SP3: variants seen among roughly 807,000 people sequenced by gnomAD.
SP3 encodes Sp3 transcription factor.
Under a neutral mutation model 70.3 loss-of-function variants are expected in SP3, and 10 were observed. That is an observed-to-expected ratio of 0.14 (90% CI 0.09 to 0.24). SP3 has a LOEUF of 0.24. Ranked by LOEUF, SP3 falls within the 10% of genes least tolerant of loss-of-function variation. The pLI is 1.00. For missense variants in SP3, 825 were observed against 914.6 expected (o/e 0.90, Z 1.26); for synonymous variants, 402 against 333.5 (o/e 1.21, Z -2.24).
At chr2:173,961,633 T>G (rs1226261743) in intron 3 of SP3, among the ~76,000 whole-genome samples, 2 of 152,224 alleles carry the variant, frequency 1.3e-5, no homozygotes, top group Non-Finnish European at 1.5e-5. Context: ...GTTCTGTATT[T>G]CCAACTTTTC....
At chr2:173,957,466 G>A (rs1002171894) in intron 3 of SP3, among the ~76,000 whole-genome samples, 6 of 152,060 alleles carry the variant, frequency 3.9e-5, no homozygotes, top group Non-Finnish European at 8.8e-5. Context: ...AGTTAAAAAA[G>A]AGGCACTAAT....
At chr2:173,944,035 T>A (rs1169624060) in intron 4 of SP3, among the ~76,000 whole-genome samples, 3 of 152,174 alleles carry the variant, frequency 2.0e-5, no homozygotes, top group Non-Finnish European at 4.4e-5. Context: ...ATCGTAAAAG[T>A]CTTACATCTT....
At chr2:173,965,653 C>T (rs769939236), upstream of SP3, 13 of 180,152 alleles carry the variant, frequency 7.2e-5, no homozygotes, top group Non-Finnish European at 1.3e-4. Flanking sequence ...GCGCTCGGAG[C>T]AGGCCTAGCC....
At chr2:173,958,803 G>C (rs746883965) in intron 3 of SP3, among the ~76,000 whole-genome samples, 2 of 151,396 alleles carry the variant, frequency 1.3e-5, no homozygotes, top group African/African-American at 4.9e-5. Context: ...TCAGAACTGA[G>C]TTCTAGTTCT....
At chr2:173,931,492 C>T (rs893940847) in intron 4 of SP3, among the ~76,000 whole-genome samples, 15 of 152,028 alleles carry the variant, frequency 9.9e-5, no homozygotes, top group Admixed American at 5.9e-4. Flanking sequence ...TACAGGTGTG[C>T]GCCATCATGC....
At chr2:173,935,968 TCTTC>T (rs1337711065) in intron 4 of SP3, among the ~76,000 whole-genome samples, 1 of 150,808 alleles carries the variant, frequency 6.6e-6, no homozygotes, top group Non-Finnish European at 1.5e-5. Flanking sequence ...TGTCTGGCAT[TCTTC>T]CTTCCTTCCT....
intron 3 of SP3, among the ~76,000 whole-genome samples, chr2:173,958,908 G>GA (rs1429423896): frequency 4.6e-5 from 7 of 151,934 alleles, no homozygotes; most frequent in African/African-American, 1.7e-4. Context: ...AGAATCAGAA[G>GA]AAAAATATTA....
At chr2:173,924,509 A>T (rs1273982586) in intron 4 of SP3, among the ~76,000 whole-genome samples, 1 of 152,176 alleles carries the variant, frequency 6.6e-6, no homozygotes, top group Non-Finnish European at 1.5e-5. Flanking sequence ...AACACATAAG[A>T]TAAGGATTTA....
intron 3 of SP3, among the ~76,000 whole-genome samples, chr2:173,958,485 T>A (rs1690963316): frequency 6.7e-6 from 1 of 149,960 alleles, no homozygotes. Context: ...TGAAGGAAAA[T>A]CTCTAAACCT....
At chr2:173,929,545 GAAGAA>G (rs1392444126) in intron 4 of SP3, among the ~76,000 whole-genome samples, 1 of 152,168 alleles carries the variant, frequency 6.6e-6, no homozygotes, top group Non-Finnish European at 1.5e-5. Context: ...CAGTTCAAAA[GAAGAA>G]AAGAAGACAA....
In SP3 at chr2:173,933,638, TTATATATATATATATA is replaced by T. The variant is rs60102426; in HGVS notation, c.1640-14869_1640-14854del. Among the ~76,000 whole-genome samples the T allele has an allele frequency of 3.8e-3, 328 of 86,560 alleles. 9 individuals carry two copies. The highest frequency in any genetic ancestry group is 0.016 in the Middle Eastern group (2 of 126). The allele number at this position is 86,560 out of a possible 152,430, so 56.8% of individuals were successfully genotyped here. A position where few individuals can be genotyped will look rare whatever the true frequency, so the allele number is the denominator to read the frequency against. On this transcript the variant is annotated intron_variant, in intron 4 of 6. Transcript: ENST00000310015. ...ACAAATGACTAACATTTATAAAACT[TTATATATATATATATA>T]TATATATATATATATATAAAAGTTA...
intron 3 of SP3, among the ~76,000 whole-genome samples, chr2:173,958,778 GAAAAA>G (rs1283779649): frequency 7.2e-6 from 1 of 139,664 alleles, no homozygotes; most frequent in African/African-American, 2.6e-5. Context: ...TATTACACAA[GAAAAA>G]AAAAAAAGCT....
chr2:173,929,023 C>T (rs1689996742), intron 4 of SP3, among the ~76,000 whole-genome samples: 1 of 152,260 alleles, frequency 6.6e-6, no homozygotes, highest in Non-Finnish European at 1.5e-5. Flanking sequence ...TTCAAATGTC[C>T]AATTCAGGTT....
chr2:173,953,533 C>T (rs2105496457), intron 4 of SP3, among the ~76,000 whole-genome samples: 1 of 152,250 alleles, frequency 6.6e-6, no homozygotes, highest in East Asian at 1.9e-4. Flanking sequence ...CACTTGAGGT[C>T]AGGAGTTTGT....
rs546757353 is a variant in SP3, at chr2:173,952,101, A to ATTTTT, written c.1639+2767_1639+2771dup. On this transcript the variant is annotated intron_variant, in intron 4 of 6. Transcript: ENST00000310015. ...TTCCTTCACATGACAGGCTCACTTC[A>ATTTTT]TTTTTTTTTTTTTTTTGAGGAAATA... 9.6e-4 allele frequency among the ~76,000 whole-genome samples: 135 copies of ATTTTT among 140,894 alleles called. 1 individual carries two copies. The highest frequency in any genetic ancestry group is 7.6e-3 in the Middle Eastern group (2 of 264). The allele number at this position is 140,894 out of a possible 152,430, so 92.4% of individuals were successfully genotyped here. A position where few individuals can be genotyped will look rare whatever the true frequency, so the allele number is the denominator to read the frequency against.
rs1216330652 is a variant in SP3, at chr2:173,951,272, C to T, written c.1639+3601G>A. Among the ~76,000 whole-genome samples the T allele has an allele frequency of 4.6e-5, 7 of 152,194 alleles. No individual in the cohort carries two copies. In the East Asian group the frequency reaches 1.3e-3, roughly 29 times the overall value. ...ATGTCTTCAGTAGTCTGTCACTTAA[C>T]TCAAACCTTTTAGTCTCAGAACTCC... is the stretch of plus-strand genomic sequence containing the variant. On this transcript the variant is annotated intron_variant, in intron 4 of 6. Transcript: ENST00000310015.
At chr2:173,948,936 T>A (rs1246926179) in intron 4 of SP3, among the ~76,000 whole-genome samples, 1 of 152,140 alleles carries the variant, frequency 6.6e-6, no homozygotes, top group East Asian at 1.9e-4. Flanking sequence ...CCAAGCTAAG[T>A]GGTATGATAC....
intron 4 of SP3, among the ~76,000 whole-genome samples, chr2:173,927,253 T>C (rs1351307651): frequency 6.6e-6 from 1 of 151,634 alleles, no homozygotes; most frequent in African/African-American, 2.4e-5. Flanking sequence ...GGGTGGGACT[T>C]CCAAACCATA....
intron 4 of SP3, among the ~76,000 whole-genome samples, chr2:173,924,708 A>G (rs1041438204): frequency 2.4e-4 from 37 of 152,218 alleles, no homozygotes; most frequent in African/African-American, 8.2e-4. Context: ...GTGCAAAACC[A>G]TATTGCAGAT....
Sources: gnomAD v4.1 joint callset for allele counts (sites outside exome capture counted in the v4.1 genomes callset) on GRCh38, gnomAD v4.1.1 for gene constraint, MANE v1.5 for transcripts, NCBI Gene and HGNC (gene_info 2026-07-23, HGNC 2026-07-21) for gene names.